The following PRKN variants were observed in gnomAD, a reference collection of about 807,000 sequenced individuals.
The protein encoded by PRKN is parkin RBR E3 ubiquitin protein ligase, also known as E3 ubiquitin-protein ligase parkin.
A neutral mutation model predicts 59.5 loss-of-function variants in PRKN; 56 were observed. The ratio of observed to expected loss-of-function variants is 0.94; its 90% CI spans 0.76 to 1.18. The LOEUF is 1.18. Ranked by LOEUF, PRKN falls within the 50% of genes most tolerant of loss-of-function variation. PRKN has a pLI of 0.00. For missense variants in PRKN, 657 were observed against 596.4 expected (o/e 1.10, Z -1.06); for synonymous variants, 250 against 222.1 (o/e 1.13, Z -1.12).
intron 3 of PRKN, among the ~76,000 whole-genome samples, chr6:162,220,501 G>A (rs973895799): frequency 6.6e-6 from 1 of 152,132 alleles, no homozygotes; most frequent in Non-Finnish European, 1.5e-5. Flanking sequence ...ATCAATCAAG[G>A]GTAAGAAGTG....
chr6:161,755,491 AT>A (rs1788878469), intron 7 of PRKN, among the ~76,000 whole-genome samples: 1 of 152,152 alleles, frequency 6.6e-6, no homozygotes, highest in Non-Finnish European at 1.5e-5. Context: ...TATGTGAAAA[AT>A]ACATATCTTG....
chr6:161,999,419 A>G (rs1781965634), intron 5 of PRKN, among the ~76,000 whole-genome samples: 1 of 152,150 alleles, frequency 6.6e-6, no homozygotes, highest in Admixed American at 6.6e-5. Flanking sequence ...GAATTGCTCC[A>G]CAATTCCTGA....
intron 6 of PRKN, among the ~76,000 whole-genome samples, chr6:161,863,286 G>T (rs1156316221): frequency 2.0e-5 from 3 of 149,986 alleles, no homozygotes; most frequent in Admixed American, 1.3e-4. Flanking sequence ...TCATTCCCTT[G>T]ACTTTGTAAA....
chr6:162,398,395 G>GT lies in PRKN; in HGVS notation c.171+44914dup, dbSNP rs34350272. On this transcript the variant is annotated intron_variant, in intron 2 of 11. Coordinates refer to ENST00000366898, the MANE Select transcript of PRKN (RefSeq NM_004562.3). ...ACTTCAGCCAGATCTTTCTCTTTTT[G>GT]TTTTTTTTTTTTGAGACAGAGTTTT... Among the ~76,000 whole-genome samples the GT allele has an allele frequency of 2.3e-3, 191 of 84,648 alleles. 1 individual carries two copies. Among genetic ancestry groups the GT allele is most frequent in the East Asian group, 7.8e-3 (15 of 1,914 alleles). The allele number at this position is 84,648 out of a possible 152,430, so 55.5% of individuals were successfully genotyped here.
Position 162,503,952 on chromosome 6 carries a change from ACAT to A in PRKN, c.8-60482_8-60480del, listed in dbSNP as rs747392956. On this transcript the variant is annotated intron_variant, in intron 1 of 11. Transcript: ENST00000366898. ...ATTATTTTTAGATGACAAAAAGAGC[ACAT>A]CAGAATTTTTTAAGAAGCAGAGAAG... is the stretch of plus-strand genomic sequence containing the variant. 9.1e-4 allele frequency among the ~76,000 whole-genome samples: 139 copies of A among 152,356 alleles called. 1 individual carries two copies. The highest frequency in any genetic ancestry group is 3.4e-3 in the Middle Eastern group (1 of 294).
chr6:162,010,221 C>A (rs1439494612), intron 5 of PRKN, among the ~76,000 whole-genome samples: 2 of 118,290 alleles, frequency 1.7e-5, no homozygotes, highest in Non-Finnish European at 3.6e-5. Context: ...ATTATATATA[C>A]ATAATATATA....
At chr6:161,950,767 A>G (rs561225454) in intron 6 of PRKN, among the ~76,000 whole-genome samples, 2 of 152,126 alleles carry the variant, frequency 1.3e-5, no homozygotes, top group South Asian at 4.2e-4. Flanking sequence ...ACAAAATGCA[A>G]TGGGGTTTCA....
chr6:161,805,575 T>C (rs567219547), intron 6 of PRKN, among the ~76,000 whole-genome samples: 16 of 152,306 alleles, frequency 1.1e-4, no homozygotes, highest in Admixed American at 5.2e-4. Context: ...GTTGCTCTAG[T>C]GAGTCTCTTC....
At chr6:162,631,478 C>T (rs1225501276) in intron 1 of PRKN, among the ~76,000 whole-genome samples, 3 of 152,060 alleles carry the variant, frequency 2.0e-5, no homozygotes, top group East Asian at 1.9e-4. Flanking sequence ...TTGTTGGTAG[C>T]TTGCATGTAT....
intron 4 of PRKN, among the ~76,000 whole-genome samples, chr6:162,077,505 T>C (rs1279199609): frequency 1.3e-5 from 2 of 152,024 alleles, no homozygotes. Context: ...GAAAAATTAG[T>C]GCAAGTAAAA....
At chr6:161,438,477 A>G (rs915597294) in intron 9 of PRKN, among the ~76,000 whole-genome samples, 2 of 151,982 alleles carry the variant, frequency 1.3e-5, no homozygotes, top group African/African-American at 4.8e-5. Flanking sequence ...TAGCCTCCCA[A>G]GGTGCTGGGA....
chr6:161,482,555 A>G (rs1562478881), intron 9 of PRKN, among the ~76,000 whole-genome samples: 1 of 152,232 alleles, frequency 6.6e-6, no homozygotes, highest in Non-Finnish European at 1.5e-5. Flanking sequence ...TACTTTCTCT[A>G]CATAATTTGG....
intron 2 of PRKN, among the ~76,000 whole-genome samples, chr6:162,398,846 GAT>G (rs1397766638): frequency 2.0e-5 from 3 of 152,116 alleles, no homozygotes; most frequent in Non-Finnish European, 4.4e-5. Flanking sequence ...AATTTCTCCA[GAT>G]ATTCTATTTA....
rs566306033 is a variant in PRKN at position 161,469,600 on chromosome 6, A to G, written c.1083+79254T>C. ...GAGAGAGAGAAAGAGAAAGAGAGAG[A>G]GATTGAAACCTGAAGGTTACTTTGC... On this transcript the variant is annotated intron_variant, in intron 9 of 11. Transcript: ENST00000366898. 6.6e-5 allele frequency among the ~76,000 whole-genome samples: 10 copies of G among 151,890 alleles called. No individual in the cohort carries two copies. The South Asian group carries it at 1.7e-3, about 25-fold the overall frequency.
At chr6:162,601,326 G>T (rs1781701201) in intron 1 of PRKN, among the ~76,000 whole-genome samples, 1 of 107,172 alleles carries the variant, frequency 9.3e-6, no homozygotes, top group South Asian at 3.7e-4. Flanking sequence ...AACTTTTGGG[G>T]GACACATTCA....
chr6:162,655,725 T>C (rs765014134), intron 1 of PRKN, among the ~76,000 whole-genome samples: 2 of 152,154 alleles, frequency 1.3e-5, no homozygotes, highest in Non-Finnish European at 2.9e-5. Context: ...AGAGCCACAC[T>C]TGGGTCATCA....
intron 6 of PRKN, among the ~76,000 whole-genome samples, chr6:161,929,074 C>T (rs1779072311): frequency 6.6e-6 from 1 of 151,986 alleles, no homozygotes; most frequent in Non-Finnish European, 1.5e-5. Context: ...ACTCCAAATG[C>T]CAATCAACAG....
At chr6:162,169,526 C>G (rs1783159458) in intron 4 of PRKN, among the ~76,000 whole-genome samples, 1 of 152,150 alleles carries the variant, frequency 6.6e-6, no homozygotes, top group Non-Finnish European at 1.5e-5. Flanking sequence ...TTAGACAAAC[C>G]ATAAATGTGC....
chr6:162,299,019 AGAG>A (rs920255677), intron 2 of PRKN, among the ~76,000 whole-genome samples: 2 of 152,182 alleles, frequency 1.3e-5, no homozygotes, highest in Admixed American at 6.5e-5. Context: ...TGCACTGAAA[AGAG>A]GAGTTGGCCT....
Sources: gnomAD v4.1 joint callset for allele counts (sites outside exome capture counted in the v4.1 genomes callset) on GRCh38, gnomAD v4.1.1 for gene constraint, MANE v1.5 for transcripts, NCBI Gene and HGNC (gene_info 2026-07-23, HGNC 2026-07-21) for gene names.